Variants in SNTG1 observed in about 807,000 individuals in gnomAD.
SNTG1 encodes the protein gamma-1-syntrophin.
SNTG1 carries 39 observed loss-of-function variants against 74.7 expected under a neutral mutation model. The observed-to-expected ratio is 0.52, with a 90% confidence interval of 0.40 to 0.68. The LOEUF (loss-of-function observed/expected upper bound fraction) is 0.68. SNTG1 is among the 30% of genes least tolerant of loss of function. SNTG1 has a pLI of 0.00. For synonymous variants in SNTG1, 254 were observed against 217.1 expected, an observed-to-expected ratio of 1.17 and a Z score of -1.49; for missense variants, 685 against 609.5, an observed-to-expected ratio of 1.12 and a Z score of -1.30.
intron 2 of SNTG1, among the ~76,000 whole-genome samples, chr8:50,245,156 C>T (rs1208332231): frequency 6.6e-6 from 1 of 152,140 alleles, no homozygotes; most frequent in Non-Finnish European, 1.5e-5. Flanking sequence ...TGTTCTCTCT[C>T]TTCCAAATGG....
intron 17 of SNTG1, among the ~76,000 whole-genome samples, chr8:50,739,248 G>A (rs947744922): frequency 2.6e-5 from 4 of 151,942 alleles, no homozygotes; most frequent in African/African-American, 9.6e-5. Flanking sequence ...CAAAAAGTGG[G>A]CCAAGTATAT....
At chr8:50,333,986 T>A (rs995173125) in intron 2 of SNTG1, among the ~76,000 whole-genome samples, 30 of 152,284 alleles carry the variant, frequency 2.0e-4, no homozygotes, top group African/African-American at 7.0e-4. Flanking sequence ...AGCCTCTGCC[T>A]CCCGGGTTCA....
intron 8 of SNTG1, among the ~76,000 whole-genome samples, chr8:50,501,072 G>A (rs2093947771): frequency 2.0e-5 from 3 of 152,258 alleles, no homozygotes; most frequent in Admixed American, 2.0e-4. Context: ...GTGTTCTGAG[G>A]CCCAGGGGGA....
Position 50,269,516 on chromosome 8 carries a change from C to A in SNTG1, c.-28+96881C>A, listed in dbSNP as rs537693911. 2.6e-5 allele frequency among the ~76,000 whole-genome samples: 4 copies of A among 152,164 alleles called. No homozygotes were observed. In the East Asian group the frequency reaches 5.8e-4, roughly 22 times the overall value. ...CTCTCTATATTCATTCTTACAACTG[C>A]TTGCCAATCTAAAATTAATGCAAAA... On this transcript the variant is annotated intron_variant, in intron 2 of 18. Coordinates refer to ENST00000642720, the MANE Select transcript of SNTG1 (RefSeq NM_018967.5).
At chr8:50,597,531 C>A (rs2094739415) in intron 13 of SNTG1, among the ~76,000 whole-genome samples, 1 of 151,598 alleles carries the variant, frequency 6.6e-6, no homozygotes, top group Admixed American at 6.6e-5. Flanking sequence ...GTGCAGCTAT[C>A]TCTTTGACAT....
chr8:50,310,559 A>G (rs1419225807), intron 2 of SNTG1, among the ~76,000 whole-genome samples: 1 of 152,066 alleles, frequency 6.6e-6, no homozygotes, highest in Non-Finnish European at 1.5e-5. Context: ...GTGGTGGCGC[A>G]TGCCTGTAAT....
chr8:50,085,413 G>A (rs1422134984), intron 1 of SNTG1, among the ~76,000 whole-genome samples: 1 of 152,114 alleles, frequency 6.6e-6, no homozygotes, highest in Non-Finnish European at 1.5e-5. Context: ...AGGCAGTCCT[G>A]GATAATGCAA....
At chr8:50,041,284 T>C (rs1415968008) in intron 1 of SNTG1, among the ~76,000 whole-genome samples, 1 of 152,184 alleles carries the variant, frequency 6.6e-6, no homozygotes, top group Admixed American at 6.5e-5. Flanking sequence ...CAAATGTCAA[T>C]TGCTGTTGGA....
intron 1 of SNTG1, among the ~76,000 whole-genome samples, chr8:50,161,118 G>A (rs1371390344): frequency 6.6e-6 from 1 of 152,208 alleles, no homozygotes; most frequent in Non-Finnish European, 1.5e-5. Flanking sequence ...ATTGTGTCCT[G>A]AAGATGATGA....
chr8:50,108,161 A>G (rs1281550174), intron 1 of SNTG1, among the ~76,000 whole-genome samples: 1 of 152,216 alleles, frequency 6.6e-6, no homozygotes, highest in East Asian at 1.9e-4. Context: ...TTAGGCCAGC[A>G]TCATTTACTA....
chr8:50,553,562 G>T (rs1368418403), intron 12 of SNTG1, among the ~76,000 whole-genome samples: 1 of 152,134 alleles, frequency 6.6e-6, no homozygotes, highest in Non-Finnish European at 1.5e-5. Flanking sequence ...GGAGTAGTAG[G>T]CTAGGAGGAA....
chr8:50,151,261 C>T (rs755078636), intron 1 of SNTG1, among the ~76,000 whole-genome samples: 78 of 151,928 alleles, frequency 5.1e-4, no homozygotes, highest in Non-Finnish European at 9.7e-4. Context: ...GGTGATATCC[C>T]CTTTATCATT....
chr8:49,958,147 T>C (rs17678317), intron 1 of SNTG1, among the ~76,000 whole-genome samples: 20,560 of 152,096 alleles, frequency 0.14, 1,639 homozygotes, highest in South Asian at 0.24. Context: ...AGAAGCCATT[T>C]ACTAGGGCTC....
At chr8:50,003,648 T>C in intron 1 of SNTG1, among the ~76,000 whole-genome samples, 1 of 152,188 alleles carries the variant, frequency 6.6e-6, no homozygotes, top group East Asian at 1.9e-4. Context: ...GGAAACTCTA[T>C]TTAGAAGATA....
intron 15 of SNTG1, among the ~76,000 whole-genome samples, chr8:50,692,266 A>G (rs555394325): frequency 2.3e-4 from 35 of 152,280 alleles, no homozygotes; most frequent in Middle Eastern, 3.4e-3. Context: ...GTCATTCTCC[A>G]TCCAACTTTG....
At chr8:50,388,236 G>A (rs535613647) in intron 2 of SNTG1, among the ~76,000 whole-genome samples, 1 of 152,088 alleles carries the variant, frequency 6.6e-6, no homozygotes, top group Non-Finnish European at 1.5e-5. Context: ...CTATACCATG[G>A]TTAAGAGCAA....
intron 2 of SNTG1, among the ~76,000 whole-genome samples, chr8:50,294,265 T>C (rs1482437623): frequency 6.6e-6 from 1 of 152,194 alleles, no homozygotes; most frequent in Admixed American, 6.5e-5. Flanking sequence ...ATCAATTTAA[T>C]TCTGAATGTG....
At chr8:50,160,508 T>C (rs1011865989) in intron 1 of SNTG1, among the ~76,000 whole-genome samples, 1 of 152,210 alleles carries the variant, frequency 6.6e-6, no homozygotes, top group African/African-American at 2.4e-5. Context: ...GACATTCTTT[T>C]GCTTTTCTGT....
chr8:50,324,170 A>T (rs548263525), intron 2 of SNTG1, among the ~76,000 whole-genome samples: 1 of 152,290 alleles, frequency 6.6e-6, no homozygotes, highest in East Asian at 1.9e-4. Flanking sequence ...CTCTCCAGCT[A>T]GGGCTGGTAA....
Sources: allele counts gnomAD v4.1 joint callset (sites outside exome capture counted in the v4.1 genomes callset), GRCh38; gene constraint gnomAD v4.1.1; transcripts MANE v1.5; gene names NCBI Gene and HGNC (gene_info 2026-07-23, HGNC 2026-07-21).